ZNF362: variants seen among roughly 807,000 people sequenced by gnomAD.
The protein encoded by ZNF362 is rotund homolog.
In ZNF362, 11 loss-of-function variants were observed where a neutral mutation model predicts 42.9. The observed-to-expected ratio is 0.26, with a 90% CI of 0.16 to 0.42. The LOEUF is 0.42. ZNF362 is among the 20% of genes least tolerant of loss of function. ZNF362 has a pLI of 1.00. For missense variants in ZNF362, 362 were observed against 576.2 expected (o/e 0.63, Z 3.81); for synonymous variants, 255 against 257.3 (o/e 0.99, Z 0.09).
At chr1:33,165,606 GCCTGGC>G in the ZNF362 span, 2 of 1,538,908 alleles carry the variant, frequency 1.3e-6, no homozygotes, top group Non-Finnish European at 1.8e-6. The surrounding 1 kb of genome is among the most constrained non-coding windows in gnomAD (Gnocchi z 4.0). Flanking sequence ...CAGGGGCCAT[GCCTGGC>G]CCAGGCATTC....
At chr1:33,241,221 A>G in the ZNF362 span, among the ~76,000 whole-genome samples, 1 of 152,172 alleles carries the variant, frequency 6.6e-6, no homozygotes, top group African/African-American at 2.4e-5. Context: ...TGGATTGGGC[A>G]TGGTGGCTCA....
At chr1:33,134,435 T>C in the ZNF362 span, among the ~76,000 whole-genome samples, 1 of 152,200 alleles carries the variant, frequency 6.6e-6, no homozygotes, top group Non-Finnish European at 1.5e-5. Flanking sequence ...CCAATAATAC[T>C]GCCTCTGTTT....
chr1:33,136,920 C>T, the ZNF362 span, among the ~76,000 whole-genome samples: 19 of 151,636 alleles, frequency 1.3e-4, no homozygotes, highest in East Asian at 3.0e-3. Context: ...TTGCTTGAAC[C>T]CAGGAGGCAG....
chr1:33,162,541 A>C, the ZNF362 span, among the ~76,000 whole-genome samples: 8 of 152,190 alleles, frequency 5.3e-5, no homozygotes, highest in African/African-American at 1.9e-4. Flanking sequence ...CCCATCCCAG[A>C]GCCTGGTACA....
chr1:33,254,862 C>T (rs1339361521), upstream of ZNF362, among the ~76,000 whole-genome samples: 2 of 152,104 alleles, frequency 1.3e-5, no homozygotes, highest in African/African-American at 4.8e-5. Flanking sequence ...CAATTTGTCT[C>T]TTCTCTCCCG....
intron 1 of ZNF362, among the ~76,000 whole-genome samples, chr1:33,267,767 A>C (rs4297253): frequency 0.96 from 145,972 of 152,276 alleles, 70,259 homozygotes; most frequent in Non-Finnish European, 1. Flanking sequence ...ACCTGTTTAA[A>C]ATTTCGGCTG....
chr1:33,129,706 C>T, the ZNF362 span, among the ~76,000 whole-genome samples: 1 of 152,144 alleles, frequency 6.6e-6, no homozygotes, highest in Non-Finnish European at 1.5e-5. This position sits in a 1 kb window ranked among gnomAD's most constrained non-coding sequence, Gnocchi z 4.1. Flanking sequence ...AGATTCTCTT[C>T]CTGGTTTGCA....
the ZNF362 span, among the ~76,000 whole-genome samples, chr1:33,235,297 C>T: frequency 7.9e-5 from 12 of 152,204 alleles, no homozygotes; most frequent in South Asian, 4.1e-4. Flanking sequence ...TGTCCCACCC[C>T]GCCCCCCAGG....
chr1:33,216,972 T>C, the ZNF362 span, among the ~76,000 whole-genome samples: 1 of 151,544 alleles, frequency 6.6e-6, no homozygotes, highest in Non-Finnish European at 1.5e-5. Flanking sequence ...GGAATCCCCC[T>C]AGGGTGGTGT....
chr1:33,191,523 T>C, the ZNF362 span, among the ~76,000 whole-genome samples: 1 of 132,004 alleles, frequency 7.6e-6, no homozygotes, highest in Non-Finnish European at 1.7e-5. Flanking sequence ...TGTTTTTGTT[T>C]TTTGAGATGG....
chr1:33,168,119 G>T, the ZNF362 span, among the ~76,000 whole-genome samples: 1 of 152,192 alleles, frequency 6.6e-6, no homozygotes, highest in Non-Finnish European at 1.5e-5. Context: ...TCTCTGAGGA[G>T]GTGACAGCAG....
At chr1:33,151,018 C>T in the ZNF362 span, among the ~76,000 whole-genome samples, 1 of 151,956 alleles carries the variant, frequency 6.6e-6, no homozygotes, top group African/African-American at 2.4e-5. Flanking sequence ...TGGTGCGGGG[C>T]GGGGGGTACC....
chr1:33,236,682 T>A, the ZNF362 span, among the ~76,000 whole-genome samples: 1 of 149,934 alleles, frequency 6.7e-6, no homozygotes, highest in Non-Finnish European at 1.5e-5. Context: ...TTCTTAAAAA[T>A]GCTGACACTC....
At chr1:33,134,594 C>T in the ZNF362 span, among the ~76,000 whole-genome samples, 27,763 of 152,030 alleles carry the variant, frequency 0.18, 3,015 homozygotes, top group South Asian at 0.29. Flanking sequence ...CCTCCTAATC[C>T]GGTAGTAGGA....
chr1:33,264,446 T>A (rs967687082), intron 1 of ZNF362, among the ~76,000 whole-genome samples: 1 of 152,210 alleles, frequency 6.6e-6, no homozygotes, highest in African/African-American at 2.4e-5. Context: ...TGTCAGGCAG[T>A]GTTCGAAAGA....
chr1:33,288,765 A>AAAAG (rs1646051958), intron 6 of ZNF362, among the ~76,000 whole-genome samples: 1 of 133,618 alleles, frequency 7.5e-6, no homozygotes, highest in Non-Finnish European at 1.7e-5. Context: ...AAAAAAAAGA[A>AAAAG]GCGTGACCAC....
the ZNF362 span, among the ~76,000 whole-genome samples, chr1:33,188,574 A>G: frequency 2.0e-5 from 3 of 152,322 alleles, no homozygotes; most frequent in South Asian, 2.1e-4. Context: ...AGTGTAATCA[A>G]CTGGCACCAT....
chr1:33,158,463 G>A, the ZNF362 span: 2 of 949,066 alleles, frequency 2.1e-6, no homozygotes, highest in East Asian at 4.9e-5. Context: ...GCTGGCATAG[G>A]ATGTGGTCAT....
chr1:33,167,941 G>T, the ZNF362 span, among the ~76,000 whole-genome samples: 1 of 152,184 alleles, frequency 6.6e-6, no homozygotes. This position sits in a 1 kb window ranked among gnomAD's most constrained non-coding sequence, Gnocchi z 4.2. Flanking sequence ...TTATGGCGAA[G>T]GACAAGACAG....
Sources: allele counts gnomAD v4.1 joint callset (sites outside exome capture counted in the v4.1 genomes callset), GRCh38; gene constraint gnomAD v4.1.1; non-coding constraint Gnocchi (gnomAD v3.1); transcripts MANE v1.5; gene names NCBI Gene and HGNC (gene_info 2026-07-23, HGNC 2026-07-21).